Variants in METTL8 observed in about 807,000 individuals in gnomAD.
The protein encoded by METTL8 is tRNA N(3)-cytidine methyltransferase METTL8, mitochondrial.
Under a neutral mutation model 48.7 loss-of-function variants are expected in METTL8, and 32 were observed. That is an observed-to-expected ratio of 0.66 (90% CI 0.50 to 0.88). The LOEUF (loss-of-function observed/expected upper bound fraction) is 0.88, where lower values mean the gene tolerates loss of function less well. METTL8 is among the 40% of genes least tolerant of loss of function. The pLI is 0.00. For missense variants in METTL8, 464 were observed against 474.4 expected, an observed-to-expected ratio of 0.98 and a Z score of 0.20; for synonymous variants, 136 against 157.1, an observed-to-expected ratio of 0.87 and a Z score of 1.01.
chr2:171,383,006 G>A (rs942659810), intron 2 of METTL8, among the ~76,000 whole-genome samples: 12 of 152,036 alleles, frequency 7.9e-5, no homozygotes, highest in South Asian at 6.2e-4. Context: ...CCTGAGAGGC[G>A]GAGTTTGCAG....
intron 2 of METTL8, among the ~76,000 whole-genome samples, chr2:171,376,917 G>T (rs1687030821): frequency 6.6e-6 from 1 of 152,118 alleles, no homozygotes; most frequent in African/African-American, 2.4e-5. Flanking sequence ...AATAAATCTG[G>T]AGGTGTCACA....
rs377624359 is a variant in METTL8, at chr2:171,337,228, CAAT to C, written c.656+222_656+224del. ...ATAAGCTTAAAAAATTACTTCAAAA[CAAT>C]GATGGACAACCCATGGCTACGAAAC... is the stretch of plus-strand genomic sequence containing the variant. On this transcript the variant is annotated intron_variant, in intron 5 of 9. Coordinates refer to ENST00000375258, the MANE Select transcript of METTL8 (RefSeq NM_001321154.2). Among the ~76,000 whole-genome samples the C allele has an allele frequency of 7.9e-5, 12 of 152,242 alleles. No individual in the cohort carries two copies. The East Asian group carries it at 2.3e-3, about 29-fold the overall frequency.
intron 7 of METTL8, among the ~76,000 whole-genome samples, chr2:171,328,172 C>T (rs998217675): frequency 6.6e-6 from 1 of 152,144 alleles, no homozygotes; most frequent in Non-Finnish European, 1.5e-5. Flanking sequence ...TTTCTTCATC[C>T]TACTTGGGCC....
rs1443224757 is a variant in METTL8, at chr2:171,323,794, G to A, written c.*378C>T. The A allele has an allele frequency of 1.9e-5, 3 of 157,554 alleles. No homozygotes were observed. Among genetic ancestry groups the A allele is most frequent in the Non-Finnish European group, 2.8e-5 (2 of 71,960 alleles). 9.8% of individuals were successfully genotyped at this position (157,554 alleles called of 1,614,324 possible). ...CAATGGGAAGAGTCTGACTGTGTTT[G>A]GGAACTGGTTTACTAAGCCTAAACA... On this transcript the variant is annotated 3_prime_UTR_variant, in exon 10 of 10. Coordinates refer to ENST00000375258, the MANE Select transcript of METTL8 (RefSeq NM_001321154.2).
intron 3 of METTL8, among the ~76,000 whole-genome samples, chr2:171,354,867 T>TC (rs1243763848): frequency 6.6e-6 from 1 of 152,080 alleles, no homozygotes; most frequent in Non-Finnish European, 1.5e-5. Context: ...TGTCTAATTT[T>TC]TTTTTCAAGG....
chr2:171,407,288 G>C (rs1395155210), intron 1 of METTL8, among the ~76,000 whole-genome samples: 1 of 152,008 alleles, frequency 6.6e-6, no homozygotes, highest in African/African-American at 2.4e-5. Context: ...TGAGGCTGCA[G>C]TGAGCCTTGA....
At position 171,339,454 on chromosome 2, in the gene METTL8, A is replaced by T; in HGVS notation, c.336T>A (p.Pro112=). Reference sequence around the variant, plus strand: ...GTTTTTGATCAACTGGAAGAATTTCAGGAAATTCCCTCAACAGCCAATTAC... The same window carrying T: ...GTTTTTGATCAACTGGAAGAATTTCTGGAAATTCCCTCAACAGCCAATTAC... The part of the protein sequence containing the change: ...KDRNWLLREF[P]EILPVDQKPE... The change falls in exon 4 of 10, where the codon CCT becomes CCA. Residue 112 remains proline, a synonymous_variant. Coordinates refer to ENST00000375258, the MANE Select transcript of METTL8 (RefSeq NM_001321154.2). The T allele has an allele frequency of 6.2e-7, 1 of 1,613,664 alleles. No individual in the cohort carries two copies. Among genetic ancestry groups the T allele is most frequent in the Non-Finnish European group, 8.5e-7 (1 of 1,179,730 alleles).
At chr2:171,434,446 T>A, upstream of METTL8, 1 of 1,460,186 alleles carries the variant, frequency 6.8e-7, no homozygotes, top group South Asian at 1.2e-5. Context: ...CGCCTCCCCG[T>A]GTCAGCTTTC....
intron 2 of METTL8, among the ~76,000 whole-genome samples, chr2:171,363,236 C>T (rs1431864217): frequency 6.6e-6 from 1 of 151,118 alleles, no homozygotes; most frequent in Non-Finnish European, 1.5e-5. Flanking sequence ...TTTTTTTACA[C>T]CACAGTTACA....
In METTL8 at chr2:171,321,176, T is replaced by C. The variant is rs1290026447; in HGVS notation, c.*2996A>G. On this transcript the variant is annotated 3_prime_UTR_variant, in exon 10 of 10. Transcript: ENST00000375258. ...ACTATTACTACTGCTACCACTGCTATATGATGTGTTGGCTGTGACTGGACA... is the reference window on the plus strand; with the variant it reads ...ACTATTACTACTGCTACCACTGCTACATGATGTGTTGGCTGTGACTGGACA... 1.3e-5 allele frequency: 2 copies of C among 152,226 alleles called. No individual in the cohort carries two copies. Among genetic ancestry groups the C allele is most frequent in the Non-Finnish European group, 2.9e-5 (2 of 68,038 alleles). The allele number at this position is 152,226 out of a possible 1,614,324, so 9.4% of individuals were successfully genotyped here. A position where few individuals can be genotyped will look rare whatever the true frequency, so the allele number is the denominator to read the frequency against.
chr2:171,409,153 C>T (rs888824880), intron 1 of METTL8, among the ~76,000 whole-genome samples: 1 of 152,130 alleles, frequency 6.6e-6, no homozygotes, highest in African/African-American at 2.4e-5. Flanking sequence ...GTGGCTAAGC[C>T]GGGACTTGAA....
chr2:171,396,988 T>A (rs576908228), intron 1 of METTL8, among the ~76,000 whole-genome samples: 3 of 149,388 alleles, frequency 2.0e-5, no homozygotes, highest in Admixed American at 2.0e-4. Context: ...CACACCTGGC[T>A]ACTTTTTTTT....
At chr2:171,349,828 C>G (rs1683690016) in intron 3 of METTL8, among the ~76,000 whole-genome samples, 1 of 152,080 alleles carries the variant, frequency 6.6e-6, no homozygotes, top group African/African-American at 2.4e-5. Flanking sequence ...CAATGCCTGT[C>G]ATTGTCAGGT....
rs1052181228 is a variant in METTL8 at position 171,317,667 on chromosome 2, A to G, written c.*6505T>C. 3 of 152,222 alleles carry G rather than the reference A, an allele frequency of 2.0e-5. No individual in the cohort carries two copies. Among genetic ancestry groups the G allele is most frequent in the Non-Finnish European group, 2.9e-5 (2 of 68,034 alleles). 9.4% of individuals were successfully genotyped at this position (152,222 alleles called of 1,614,324 possible). A position where few individuals can be genotyped will look rare whatever the true frequency, so the allele number is the denominator to read the frequency against. ...CTCTAGCTGTTCCTTACTTAAGGTT[A>G]AGTGGTTGTGAAACCACAGACACTG... On this transcript the variant is annotated 3_prime_UTR_variant, in exon 10 of 10. Transcript: ENST00000375258.
At position 171,331,796 on chromosome 2, in the gene METTL8, T is replaced by G; in HGVS notation, c.720+8A>C. On this transcript the variant is annotated splice_region_variant and intron_variant, in intron 6 of 9. Coordinates refer to ENST00000375258, the MANE Select transcript of METTL8 (RefSeq NM_001321154.2). ...CATCAGTTGGTATGATTCCCAGGAG[T>G]AGCATACCTTTACGAGCTCCACAGC... is the stretch of plus-strand genomic sequence containing the variant. The G allele has an allele frequency of 6.3e-7, 1 of 1,594,372 alleles. No individual in the cohort carries two copies. The highest frequency in any genetic ancestry group is 8.6e-7 in the Non-Finnish European group (1 of 1,166,964).
At chr2:171,434,073 G>A (rs1048392923), upstream of METTL8, 21 of 304,512 alleles carry the variant, frequency 6.9e-5, 1 homozygote, top group South Asian at 5.4e-4. Flanking sequence ...CGCGCCCCCA[G>A]GGCTCTGCCC....
At chr2:171,378,209 A>T (rs1215189016) in intron 2 of METTL8, among the ~76,000 whole-genome samples, 1 of 152,264 alleles carries the variant, frequency 6.6e-6, no homozygotes, top group Admixed American at 6.5e-5. Flanking sequence ...GTGCAAAGAC[A>T]TACATAGGCT....
intron 2 of METTL8, among the ~76,000 whole-genome samples, chr2:171,367,877 T>G (rs768345886): frequency 6.6e-6 from 1 of 152,152 alleles, no homozygotes; most frequent in South Asian, 2.1e-4. Context: ...AGAGCTGTGG[T>G]TCTCAAACTG....
chr2:171,434,640 C>T, upstream of METTL8: 1 of 1,534,608 alleles, frequency 6.5e-7, no homozygotes, highest in Non-Finnish European at 8.7e-7. Flanking sequence ...TGGGCTGCTT[C>T]TCGCGCGACG....
Sources: allele counts gnomAD v4.1 joint callset (sites outside exome capture counted in the v4.1 genomes callset), GRCh38; gene constraint gnomAD v4.1.1; transcripts MANE v1.5; gene names NCBI Gene and HGNC (gene_info 2026-07-23, HGNC 2026-07-21).